Variants in ITGAX observed in about 807,000 individuals in gnomAD.
The protein encoded by ITGAX is integrin alpha-X.
Under a neutral mutation model 140.2 loss-of-function variants are expected in ITGAX, and 99 were observed. That is an observed-to-expected ratio of 0.71 (90% CI 0.60 to 0.83). ITGAX has a LOEUF of 0.83. Among genes scored for constraint, ITGAX ranks in the 40% least tolerant of loss-of-function variants. The probability of loss-of-function intolerance (pLI) is 0.00; values close to 1 mark genes in which losing one functional copy is unlikely to be tolerated. For synonymous variants in ITGAX, 631 were observed against 600.4 expected (o/e 1.05, Z -0.75); for missense variants, 1,444 against 1,482.0 (o/e 0.97, Z 0.42).
chr16:31,355,811 T>C, intron 1 of ITGAX, 82 bp from the exon 2 acceptor site: 1 of 1,056,230 alleles, frequency 9.5e-7, no homozygotes, highest in African/African-American at 1.6e-5. Flanking sequence ...GAGGGGAGAT[T>C]GGGACGCTGG....
At chr16:31,369,039 C>T (rs902962778) in intron 14 of ITGAX, among the ~76,000 whole-genome samples, 1 of 152,260 alleles carries the variant, frequency 6.6e-6, no homozygotes. Flanking sequence ...CATCCGATTT[C>T]TCAATCTTTT....
rs987355249 is a variant in ITGAX, at chr16:31,380,206, A to G, written c.3061-60A>G. On this transcript the variant is annotated intron_variant, in intron 26 of 29. Coordinates refer to ENST00000268296, the MANE Select transcript of ITGAX (RefSeq NM_000887.5). ...CGCTGCCCTCAAGTCACACCGCATA[A>G]TGCTGCCTCCCACCTTCACACTCAT... The G allele has an allele frequency of 1.9e-6, 3 of 1,571,642 alleles. No individual in the cohort carries two copies. In the African/African-American group the frequency reaches 4.1e-5, roughly 21 times the overall value.
chr16:31,359,503 C>A (rs1214091079), intron 5 of ITGAX, among the ~76,000 whole-genome samples, 197 bp from the exon 6 acceptor site: 1 of 152,172 alleles, frequency 6.6e-6, no homozygotes, highest in Non-Finnish European at 1.5e-5. Flanking sequence ...GAATGAAGGG[C>A]CTTGTTCCAG....
chr16:31,369,963 C>T lies in ITGAX; in HGVS notation c.1711-1121C>T, dbSNP rs2080938315. The T allele has an allele frequency of 2.0e-5, 3 of 151,842 alleles. No individual in the cohort carries two copies. In the South Asian group the frequency reaches 6.2e-4, roughly 32 times the overall value. 9.4% of individuals were successfully genotyped at this position (151,842 alleles called of 1,614,324 possible). On this transcript the variant is annotated intron_variant, in intron 14 of 29. Transcript: ENST00000268296. ...CAGTGTGCCCTGCCCATTATTATTA[C>T]CTTTTTTTTTGAGACAGAGTCTCGC...
At position 31,371,070 on chromosome 16, in the gene ITGAX, T is replaced by A; in HGVS notation, c.1711-14T>A. 1 of 1,613,772 alleles carries A rather than the reference T, an allele frequency of 6.2e-7. No homozygotes were observed. ...TACTTTCCATCTTGATTCACCCTTC[T>A]CTCCTCTGGCCAGCGGATCGCGGGC... On this transcript the variant is annotated splice_polypyrimidine_tract_variant and intron_variant, in intron 14 of 29. Transcript: ENST00000268296.
intron 29 of ITGAX, among the ~76,000 whole-genome samples, chr16:31,381,430 A>T (rs1002863177): frequency 6.6e-6 from 1 of 152,148 alleles, no homozygotes; most frequent in African/African-American, 2.4e-5. Context: ...ACGGTGGCTC[A>T]TGGCTGTAAT....
rs181623963 is a variant in ITGAX at position 31,371,742 on chromosome 16, C to T, written c.2118C>T (p.Leu706=). The part of the protein sequence containing the change: ...KNRSLSRVRV[L]GLKAHCENFN... ...GGAGTCTGAGCCGAGTCCGAGTCCT[C>T]GGGCTGAAGGCACACTGTGAAAACT... The change falls in exon 17 of 30, where the codon CTC becomes CTT. Residue 706 remains leucine, a synonymous_variant. Transcript: ENST00000268296. 24 of 1,614,068 alleles carry T rather than the reference C, an allele frequency of 1.5e-5. No homozygotes were observed. The highest frequency in any genetic ancestry group is 2.2e-5 in the East Asian group (1 of 44,866).
intron 20 of ITGAX, 97 bp downstream of exon 20, chr16:31,373,487 C>A: frequency 7.7e-7 from 1 of 1,292,004 alleles, no homozygotes; most frequent in Non-Finnish European, 1.0e-6. Flanking sequence ...GTGGTAGTGC[C>A]ATCTGGGGCA....
intron 24 of ITGAX, 54 bp downstream of exon 24, chr16:31,379,700 G>A: frequency 6.3e-7 from 1 of 1,587,730 alleles, no homozygotes; most frequent in Non-Finnish European, 8.6e-7. Context: ...GGGAGCCGGA[G>A]ACTGGGGAGG....
intron 9 of ITGAX, chr16:31,361,421 TC>T: frequency 1.4e-6 from 1 of 696,102 alleles, no homozygotes; most frequent in Non-Finnish European, 2.5e-6. Context: ...ATGGCCCTGC[TC>T]CCCACAGAGA....
At chr16:31,357,857 A>T in intron 5 of ITGAX, 1 of 317,834 alleles carries the variant, frequency 3.1e-6, no homozygotes, top group Non-Finnish European at 5.8e-6. Context: ...ATGTGTATAC[A>T]TGTGCACATG....
At position 31,372,168 on chromosome 16, in the gene ITGAX, G is replaced by GGC. The variant is rs1555477545; in HGVS notation, c.2161-209_2161-208insCG. 8.8e-4 allele frequency among the ~76,000 whole-genome samples: 133 copies of GGC among 151,718 alleles called. 3 individuals are homozygous for GGC. The highest frequency in any genetic ancestry group is 2.7e-3 in the South Asian group (13 of 4,786). On this transcript the variant is annotated intron_variant, in intron 17 of 29. Transcript: ENST00000268296. Reference sequence around the variant, plus strand: ...AGTCATTGCTGATCGGGAGGTCTGGGGGGGGGGAGGAAAAAAACAAAGACA... The same window carrying GGC: ...AGTCATTGCTGATCGGGAGGTCTGGGGCGGGGGGGAGGAAAAAAACAAAGACA...
At chr16:31,359,605 A>G in intron 5 of ITGAX, 95 bp from the exon 6 acceptor site, 1 of 1,451,750 alleles carries the variant, frequency 6.9e-7, no homozygotes, top group Non-Finnish European at 9.4e-7. Flanking sequence ...TTAGGGGAGG[A>G]AGGGTTTTGG....
chr16:31,382,228 C>CTTTTTTTTTTTTTTTCTTTTTTT lies in ITGAX; in HGVS notation c.*341_*342insTTTTTTTTTTTTTTTTTTCTTTT. 1 of 902,772 alleles carries CTTTTTTTTTTTTTTTCTTTTTTT rather than the reference C, an allele frequency of 1.1e-6. No homozygotes were observed. 55.9% of individuals were successfully genotyped at this position (902,772 alleles called of 1,614,324 possible). A position where few individuals can be genotyped will look rare whatever the true frequency, so the allele number is the denominator to read the frequency against. ...GGCACGAATGATCTTTCTTTCCTTT[C>CTTTTTTTTTTTTTTTCTTTTTTT]TTTTTTTTTTTTTTTCTTTTCTTTT... On this transcript the variant is annotated 3_prime_UTR_variant, in exon 30 of 30. Coordinates refer to ENST00000268296, the MANE Select transcript of ITGAX (RefSeq NM_000887.5).
intron 20 of ITGAX, among the ~76,000 whole-genome samples, chr16:31,375,108 C>T (rs758139825): frequency 3.9e-5 from 6 of 152,112 alleles, no homozygotes; most frequent in Non-Finnish European, 8.8e-5. Flanking sequence ...CTCTGCCTCC[C>T]GAATTCAAGC....
chr16:31,378,818 CTT>C (rs11324230), intron 23 of ITGAX, among the ~76,000 whole-genome samples: 192 of 137,682 alleles, frequency 1.4e-3, no homozygotes, highest in East Asian at 2.2e-3. Flanking sequence ...GACTCTCTCT[CTT>C]TTTTTTTTTT....
chr16:31,381,969 T>A lies in ITGAX; in HGVS notation c.*62T>A. The A allele has an allele frequency of 7.1e-7, 1 of 1,409,166 alleles. No individual in the cohort carries two copies. Among genetic ancestry groups the A allele is most frequent in the Non-Finnish European group, 9.9e-7 (1 of 1,005,036 alleles). The allele number at this position is 1,409,166 out of a possible 1,614,324, so 87.3% of individuals were successfully genotyped here. On this transcript the variant is annotated 3_prime_UTR_variant, in exon 30 of 30. Transcript: ENST00000268296. ...TTTTCCCCACTTACTTACCCTCACC[T>A]GTCAGGCCTGACGGGGAGGAACCAC...
intron 15 of ITGAX, 43 bp downstream of exon 15, chr16:31,371,257 T>C: frequency 6.2e-7 from 1 of 1,605,460 alleles, no homozygotes; most frequent in Non-Finnish European, 8.5e-7. Context: ...TGGTCCTAGG[T>C]TCAGATGGGG....
intron 14 of ITGAX, among the ~76,000 whole-genome samples, chr16:31,366,655 A>G (rs2080895713): frequency 6.6e-6 from 1 of 152,198 alleles, no homozygotes; most frequent in African/African-American, 2.4e-5. Flanking sequence ...AGCTGGCATT[A>G]CAGGTGGGTG....
Sources: gnomAD v4.1 joint callset for allele counts (sites outside exome capture counted in the v4.1 genomes callset) on GRCh38, gnomAD v4.1.1 for gene constraint, MANE v1.5 for transcripts, NCBI Gene and HGNC (gene_info 2026-07-23, HGNC 2026-07-21) for gene names.